Variants in TBC1D9 observed in about 807,000 individuals in gnomAD.
TBC1D9 encodes the protein TBC1 domain family member 9A.
In TBC1D9, 63 loss-of-function variants were observed where a neutral mutation model predicts 132.0. The observed-to-expected ratio is 0.48, with a 90% CI of 0.39 to 0.59. The LOEUF is 0.59. TBC1D9 is among the 20% of genes least tolerant of loss of function. TBC1D9 has a pLI of 0.00. For synonymous variants in TBC1D9, 610 were observed against 609.9 expected, an observed-to-expected ratio of 1.00 and a Z score of 0.00; for missense variants, 1,261 against 1,592.7, an observed-to-expected ratio of 0.79 and a Z score of 3.54.
At chr4:140,657,419 G>T in intron 12 of TBC1D9, 108 bp downstream of exon 12, 2 of 1,350,894 alleles carry the variant, frequency 1.5e-6, no homozygotes, top group Non-Finnish European at 2.0e-6. Context: ...GCCACAGGAA[G>T]AAGCGGGCAT....
At chr4:140,626,832 T>G (rs1736716534) in intron 18 of TBC1D9, among the ~76,000 whole-genome samples, 1 of 152,230 alleles carries the variant, frequency 6.6e-6, no homozygotes, top group South Asian at 2.1e-4. Flanking sequence ...AGCCACTCAA[T>G]TCTGCAGCAC....
At chr4:140,719,540 G>C (rs1456044235) in intron 1 of TBC1D9, among the ~76,000 whole-genome samples, 1 of 152,158 alleles carries the variant, frequency 6.6e-6, no homozygotes, top group African/African-American at 2.4e-5. Flanking sequence ...TTAGTGTCTA[G>C]AAGAGGTAAA....
In TBC1D9 at chr4:140,695,905, A is replaced by G. The variant is rs571228626; in HGVS notation, c.241+5599T>C. 2.0e-5 allele frequency among the ~76,000 whole-genome samples: 3 copies of G among 152,340 alleles called. No individual in the cohort carries two copies. The East Asian group carries it at 5.8e-4, about 29-fold the overall frequency. On this transcript the variant is annotated intron_variant, in intron 2 of 20. Transcript: ENST00000442267. Reference sequence around the variant, plus strand: ...CAGAATTGTCAGAGTACAGTAAATCAGCTCAACAAAACTGGCTGGATAAAA... The same window carrying G: ...CAGAATTGTCAGAGTACAGTAAATCGGCTCAACAAAACTGGCTGGATAAAA...
At chr4:140,655,123 T>C (rs1245051486) in intron 13 of TBC1D9, among the ~76,000 whole-genome samples, 2 of 152,100 alleles carry the variant, frequency 1.3e-5, no homozygotes. Context: ...TTAAAGTGTA[T>C]GTTGTAAGTA....
intron 1 of TBC1D9, among the ~76,000 whole-genome samples, chr4:140,707,723 C>G (rs1169802620): frequency 6.6e-6 from 1 of 152,170 alleles, no homozygotes; most frequent in African/African-American, 2.4e-5. Flanking sequence ...CCTTGTTTGT[C>G]TGCTTGTTAC....
intron 10 of TBC1D9, among the ~76,000 whole-genome samples, chr4:140,661,451 G>C (rs147017565): frequency 2.8e-4 from 43 of 152,290 alleles, no homozygotes; most frequent in African/African-American, 9.4e-4. Flanking sequence ...TGACAGGCCT[G>C]GTGCTGAGGA....
intron 1 of TBC1D9, among the ~76,000 whole-genome samples, chr4:140,742,006 G>C (rs990874650): frequency 3.9e-5 from 6 of 152,284 alleles, no homozygotes; most frequent in African/African-American, 1.2e-4. Flanking sequence ...GTTCACGTCT[G>C]CCTGTAACTT....
chr4:140,628,159 T>C, intron 17 of TBC1D9, 141 bp downstream of exon 17: 3 of 666,142 alleles, frequency 4.5e-6, no homozygotes, highest in Non-Finnish European at 7.9e-6. Flanking sequence ...CTTATGGAAA[T>C]TGTCATTGTT....
In TBC1D9 at chr4:140,723,888, G is replaced by A. The variant is rs187434706; in HGVS notation, c.131-22274C>T. On this transcript the variant is annotated intron_variant, in intron 1 of 20. Coordinates refer to ENST00000442267, the MANE Select transcript of TBC1D9 (RefSeq NM_015130.3). Reference sequence around the variant, plus strand: ...CTCCTGAGTAGCTTGGACTACAGGCGTGAACCACCATGCCTAGCTAATTTA... The same window carrying A: ...CTCCTGAGTAGCTTGGACTACAGGCATGAACCACCATGCCTAGCTAATTTA... 7.4e-3 allele frequency among the ~76,000 whole-genome samples: 1,125 copies of A among 152,184 alleles called. 20 individuals carry two copies. The highest frequency in any genetic ancestry group is 0.01 in the Non-Finnish European group (711 of 68,010).
intron 1 of TBC1D9, among the ~76,000 whole-genome samples, chr4:140,754,907 A>G (rs143040888): frequency 6.0e-4 from 91 of 152,336 alleles, no homozygotes; most frequent in Non-Finnish European, 1.0e-3. Flanking sequence ...GTAAATACAT[A>G]TATCAAGAAT....
At position 140,669,783 on chromosome 4, in the gene TBC1D9, G is replaced by A; in HGVS notation, c.1288C>T (p.Leu430Phe). Residue 430 changes from leucine to phenylalanine, a missense_variant, in exon 8 of 21, where the codon CTC becomes TTC. Physicochemically the swap from Leu to Phe is conservative, Grantham distance 22 (BLOSUM62 0). This residue lies in a region of TBC1D9 where 550 missense variants were observed against 699.0 expected (regional missense o/e 0.79). Coordinates refer to ENST00000442267, the MANE Select transcript of TBC1D9 (RefSeq NM_015130.3). ...DDEVYSRPSS[L>F]VSSSPQRSTS... is the part of the protein sequence containing the mutation. ...CTTCTCTGGGGGCTGGAGGAGACGAGGCTGCTGGGTCGAGAGTACACCTGT... is the reference window on the plus strand; with the variant it reads ...CTTCTCTGGGGGCTGGAGGAGACGAAGCTGCTGGGTCGAGAGTACACCTGT... 1 of 1,613,792 alleles carries A rather than the reference G, an allele frequency of 6.2e-7. No individual in the cohort carries two copies. Among genetic ancestry groups the A allele is most frequent in the Admixed American group, 1.7e-5 (1 of 60,018 alleles).
chr4:140,691,287 T>C (rs759855573), intron 2 of TBC1D9, among the ~76,000 whole-genome samples: 2 of 152,154 alleles, frequency 1.3e-5, no homozygotes, highest in Non-Finnish European at 2.9e-5. Flanking sequence ...TCTGGACCAC[T>C]CCTTAAAAAC....
At chr4:140,658,132 TGTTTG>T (rs1737300700) in intron 11 of TBC1D9, among the ~76,000 whole-genome samples, 1 of 152,242 alleles carries the variant, frequency 6.6e-6, no homozygotes, top group South Asian at 2.1e-4. Context: ...GGCAACATAA[TGTTTG>T]GTTTGGTATG....
intron 9 of TBC1D9, among the ~76,000 whole-genome samples, chr4:140,662,447 C>CT (rs1221800039): frequency 2.0e-5 from 3 of 152,214 alleles, no homozygotes; most frequent in Non-Finnish European, 4.4e-5. Flanking sequence ...ACAAGCCAGG[C>CT]TGAGGCTTCA....
At position 140,679,012 on chromosome 4, in the gene TBC1D9, C is replaced by G. The variant is rs373577196; in HGVS notation, c.781G>C (p.Gly261Arg). The G allele has an allele frequency of 6.2e-7, 1 of 1,613,812 alleles. No homozygotes were observed. The highest frequency in any genetic ancestry group is 1.1e-5 in the South Asian group (1 of 91,066). ...GGCAGGGATCGATCTTGTTCAAATC[C>G]CTCATTGTCTAAGAGTTGCCTCATG... Reference protein sequence around the residue: ...IAMRQLLDNEGFEQDRSLPKL... With the variant: ...IAMRQLLDNERFEQDRSLPKL... The change falls in exon 5 of 21, where the codon GGA becomes CGA. Residue 261 changes from glycine (G) to arginine (R), a missense_variant. Transcript: ENST00000442267.
intron 18 of TBC1D9, among the ~76,000 whole-genome samples, chr4:140,626,752 A>G (rs1186599614): frequency 1.3e-5 from 2 of 152,202 alleles, no homozygotes; most frequent in Non-Finnish European, 2.9e-5. Context: ...AGCAGGAGCC[A>G]GCATATGTCT....
chr4:140,630,150 T>C (rs533113879), intron 16 of TBC1D9, among the ~76,000 whole-genome samples: 7 of 152,308 alleles, frequency 4.6e-5, no homozygotes, highest in South Asian at 2.1e-4. Context: ...AAGTAGAACT[T>C]ATATTTATCC....
At chr4:140,730,616 C>T (rs1738574100) in intron 1 of TBC1D9, among the ~76,000 whole-genome samples, 1 of 152,034 alleles carries the variant, frequency 6.6e-6, no homozygotes, top group Non-Finnish European at 1.5e-5. Flanking sequence ...ATCCCAGCTA[C>T]TCAAAAGGAT....
At chr4:140,719,926 G>A (rs1381354805) in intron 1 of TBC1D9, among the ~76,000 whole-genome samples, 1 of 152,138 alleles carries the variant, frequency 6.6e-6, no homozygotes, top group African/African-American at 2.4e-5. Context: ...TGGAATCCCT[G>A]TTCCACTGCT....
Sources: gnomAD v4.1 joint callset for allele counts (sites outside exome capture counted in the v4.1 genomes callset) on GRCh38, gnomAD v4.1.1 for gene constraint, gnomAD v4.1.1 regional missense constraint, MANE v1.5 for transcripts, NCBI Gene and HGNC (gene_info 2026-07-23, HGNC 2026-07-21) for gene names.